The following NINL variants were observed in gnomAD, a reference collection of about 807,000 sequenced individuals.
NINL encodes the protein ninein like.
Under a neutral mutation model 160.3 loss-of-function variants are expected in NINL, and 153 were observed. The observed-to-expected ratio is 0.95, with a 90% confidence interval of 0.84 to 1.09. The LOEUF (loss-of-function observed/expected upper bound fraction) is 1.09, where lower values mean the gene tolerates loss of function less well. NINL is among the 50% of genes least tolerant of loss of function. NINL has a pLI of 0.00. For synonymous variants in NINL, 800 were observed against 734.8 expected (o/e 1.09, Z -1.43); for missense variants, 1,829 against 1,764.0 (o/e 1.04, Z -0.66).
At chr20:25,477,341 T>C (rs2063283673) in intron 16 of NINL, among the ~76,000 whole-genome samples, 1 of 151,770 alleles carries the variant, frequency 6.6e-6, no homozygotes, top group African/African-American at 2.4e-5. Flanking sequence ...CCATGTGGAG[T>C]GTTCACATGG....
At position 25,491,289 on chromosome 20, in the gene NINL, G is replaced by A. The variant is rs937389112; in HGVS notation, c.1485+62C>T. On this transcript the variant is annotated intron_variant, in intron 11 of 23. Coordinates refer to ENST00000278886, the MANE Select transcript of NINL (RefSeq NM_025176.6). Reference sequence around the variant, plus strand: ...GATCTGGATCCTCAACCAGGATGACGTGGGTGTGGGGAATGCTCAGGCACC... The same window carrying A: ...GATCTGGATCCTCAACCAGGATGACATGGGTGTGGGGAATGCTCAGGCACC... The A allele has an allele frequency of 4.3e-5, 66 of 1,529,148 alleles. No individual in the cohort carries two copies. In the Admixed American group the frequency reaches 8.7e-4, roughly 20 times the overall value. 94.7% of individuals were successfully genotyped at this position (1,529,148 alleles called of 1,614,324 possible).
intron 15 of NINL, 35 bp from the exon 16 acceptor site, chr20:25,479,241 G>T: frequency 6.4e-7 from 1 of 1,571,116 alleles, no homozygotes; most frequent in Admixed American, 1.8e-5. Flanking sequence ...TGGACCAGGA[G>T]ACCCTAAGAA....
rs1442975854 is a variant in NINL, at chr20:25,554,631, A to AAAAACAAAACAAAAC, written c.-11-28034_-11-28033insGTTTTGTTTTGTTTT. On this transcript the variant is annotated intron_variant, in intron 1 of 23. Transcript: ENST00000278886. Reference sequence around the variant, plus strand: ...AAGAACCCTGTTCTTTACCAAAAAAAAAAACAAAAAAAAAAAAAAAAAAAA... The same window carrying AAAAACAAAACAAAAC: ...AAGAACCCTGTTCTTTACCAAAAAAAAAAACAAAACAAAACAAAACAAAAAAAAAAAAAAAAAAAA... 2.8e-3 allele frequency among the ~76,000 whole-genome samples: 68 copies of AAAAACAAAACAAAAC among 23,940 alleles called. 1 individual carries two copies. The highest frequency in any genetic ancestry group is 9.6e-3 in the African/African-American group (63 of 6,550). 15.7% of individuals were successfully genotyped at this position (23,940 alleles called of 152,430 possible).
At chr20:25,470,203 C>G in intron 17 of NINL, 108 bp from the exon 18 acceptor site, 1 of 814,072 alleles carries the variant, frequency 1.2e-6, no homozygotes, top group Non-Finnish European at 2.1e-6. Flanking sequence ...CCCATCTCCC[C>G]GTCCCTGGAG....
At chr20:25,465,357 T>G (rs1393868345) in intron 19 of NINL, among the ~76,000 whole-genome samples, 1 of 152,154 alleles carries the variant, frequency 6.6e-6, no homozygotes, top group African/African-American at 2.4e-5. Flanking sequence ...TCCCACATCC[T>G]CTTCTGAAAT....
In NINL at chr20:25,504,117, C is replaced by CGTCATATCT; in HGVS notation, c.709-22_709-14dup. The CGTCATATCT allele has an allele frequency of 6.4e-7, 1 of 1,551,922 alleles. No individual in the cohort carries two copies. The highest frequency in any genetic ancestry group is 8.7e-7 in the Non-Finnish European group (1 of 1,150,126). On this transcript the variant is annotated splice_polypyrimidine_tract_variant and intron_variant, in intron 6 of 23. Coordinates refer to ENST00000278886, the MANE Select transcript of NINL (RefSeq NM_025176.6). ...GGTCTTCGAGTTCCTAAACAAAAGC[C>CGTCATATCT]GTCATATCTCAGGCCCACCCACAAG...
intron 10 of NINL, among the ~76,000 whole-genome samples, chr20:25,494,476 C>G (rs1601140792): frequency 6.6e-6 from 1 of 152,164 alleles, no homozygotes; most frequent in East Asian, 1.9e-4. Context: ...ATCCCACATG[C>G]CCTTGCACTC....
intron 1 of NINL, among the ~76,000 whole-genome samples, chr20:25,571,807 G>A (rs2065056876): frequency 7.6e-6 from 1 of 132,426 alleles, no homozygotes; most frequent in Non-Finnish European, 1.6e-5. Context: ...GGCAAAGGTT[G>A]CAGTGAACCA....
At chr20:25,509,768 G>A (rs1232097971) in intron 5 of NINL, 2 of 453,736 alleles carry the variant, frequency 4.4e-6, no homozygotes, top group Non-Finnish European at 8.8e-6. Flanking sequence ...CATAGGTGTT[G>A]GTCTTTTCTA....
chr20:25,565,084 T>C (rs2064985869), intron 1 of NINL, among the ~76,000 whole-genome samples: 1 of 152,054 alleles, frequency 6.6e-6, no homozygotes, highest in Admixed American at 6.6e-5. Context: ...TTGTTACATC[T>C]CCAAAAGCCT....
chr20:25,580,682 C>A (rs1197583702), intron 1 of NINL, among the ~76,000 whole-genome samples: 1 of 152,244 alleles, frequency 6.6e-6, no homozygotes, highest in Non-Finnish European at 1.5e-5. Context: ...CTAAAAGACT[C>A]CTCTGTCCCA....
At chr20:25,492,419 C>A (rs2063659905) in intron 10 of NINL, among the ~76,000 whole-genome samples, 1 of 152,084 alleles carries the variant, frequency 6.6e-6, no homozygotes, top group Non-Finnish European at 1.5e-5. Flanking sequence ...AGGTGAGATG[C>A]TCTGTGGCCA....
At chr20:25,469,947 C>T in intron 18 of NINL, 44 bp downstream of exon 18, 3 of 1,447,964 alleles carry the variant, frequency 2.1e-6, no homozygotes, top group Non-Finnish European at 2.9e-6. Context: ...CTACGGAGGG[C>T]AAAACGCACC....
intron 1 of NINL, among the ~76,000 whole-genome samples, chr20:25,577,854 T>C (rs6083888): frequency 0.97 from 145,167 of 149,618 alleles, 70,581 homozygotes; most frequent in Non-Finnish European, 1. Context: ...TTTTTTGAGA[T>C]GGAGTTTCAC....
chr20:25,535,733 G>C (rs2064545041), intron 1 of NINL, among the ~76,000 whole-genome samples: 1 of 152,060 alleles, frequency 6.6e-6, no homozygotes, highest in African/African-American at 2.4e-5. Flanking sequence ...AAAATATGGT[G>C]ACCTGCTTTC....
intron 10 of NINL, among the ~76,000 whole-genome samples, chr20:25,492,674 A>G (rs1354391835): frequency 2.0e-5 from 3 of 152,040 alleles, no homozygotes; most frequent in African/African-American, 7.2e-5. Context: ...GGATGGTCTC[A>G]ATCTCCTGAC....
intron 8 of NINL, chr20:25,498,935 G>T: frequency 1.0e-6 from 1 of 985,470 alleles, no homozygotes. Context: ...ACAAAAAATA[G>T]AGTCACACAC....
At chr20:25,575,948 G>A (rs953004765) in intron 1 of NINL, among the ~76,000 whole-genome samples, 4 of 151,872 alleles carry the variant, frequency 2.6e-5, no homozygotes, top group Non-Finnish European at 5.9e-5. Context: ...ATTTGAAATC[G>A]GGTATCAGAC....
chr20:25,507,343 G>A (rs548931927), intron 5 of NINL, among the ~76,000 whole-genome samples: 1 of 152,174 alleles, frequency 6.6e-6, no homozygotes, highest in African/African-American at 2.4e-5. Flanking sequence ...CTCAGGTGGT[G>A]GATGGCCACT....
Sources: gnomAD v4.1 joint callset for allele counts (sites outside exome capture counted in the v4.1 genomes callset) on GRCh38, gnomAD v4.1.1 for gene constraint, MANE v1.5 for transcripts, NCBI Gene and HGNC (gene_info 2026-07-23, HGNC 2026-07-21) for gene names.